The following PHACTR2 variants were observed in gnomAD, a reference collection of about 807,000 sequenced individuals.
The protein encoded by PHACTR2 is chromosome 6 open reading frame 56.
Under a neutral mutation model 76.0 loss-of-function variants are expected in PHACTR2, and 30 were observed. That is an observed-to-expected ratio of 0.39 (90% CI 0.30 to 0.54). PHACTR2 has a LOEUF of 0.54. PHACTR2 is among the 20% of genes least tolerant of loss of function. The pLI, the probability that PHACTR2 is intolerant of heterozygous loss-of-function variation, is 0.61. For synonymous variants in PHACTR2, 292 were observed against 292.5 expected (o/e 1.00, Z 0.02); for missense variants, 696 against 781.1 (o/e 0.89, Z 1.30).
At chr6:143,645,626 G>C (rs1176208281) in intron 1 of PHACTR2, among the ~76,000 whole-genome samples, 1 of 152,158 alleles carries the variant, frequency 6.6e-6, no homozygotes, top group African/African-American at 2.4e-5. Flanking sequence ...AAAAATTTAA[G>C]TGACTATATT....
At chr6:143,638,724 A>T (rs1278457100) in intron 1 of PHACTR2, among the ~76,000 whole-genome samples, 1 of 152,190 alleles carries the variant, frequency 6.6e-6, no homozygotes, top group Non-Finnish European at 1.5e-5. Context: ...AAGTTAGAAG[A>T]TGAATGTTAG....
chr6:143,712,094 A>C lies in PHACTR2; in HGVS notation c.125A>C (p.Lys42Thr). The change falls in exon 2 of 13, where the codon AAG becomes ACG. Residue 42 changes from lysine (K) to threonine (T), a missense_variant. This residue lies in a region of PHACTR2 where 460 missense variants were observed against 450.9 expected (regional missense o/e 1.02). Transcript: ENST00000440869. ...TCCCAAACACCTCCCTTCAAAAGAAAGGGGAAACTATCCACCATTGGTAAA... is the reference window on the plus strand; with the variant it reads ...TCCCAAACACCTCCCTTCAAAAGAACGGGGAAACTATCCACCATTGGTAAA... ...AGSQTPPFKR[K>T]GKLSTIGKIF... 1.3e-6 allele frequency: 2 copies of C among 1,596,944 alleles called. No individual in the cohort carries two copies. Among genetic ancestry groups the C allele is most frequent in the Non-Finnish European group, 8.5e-7 (1 of 1,174,200 alleles).
At chr6:143,705,597 G>C (rs1390630633) in intron 1 of PHACTR2, among the ~76,000 whole-genome samples, 1 of 152,096 alleles carries the variant, frequency 6.6e-6, no homozygotes, top group African/African-American at 2.4e-5. Flanking sequence ...TGCCTGGCCA[G>C]ACCTTGAAAA....
At chr6:143,682,332 C>A (rs1777410179) in intron 1 of PHACTR2, among the ~76,000 whole-genome samples, 1 of 152,216 alleles carries the variant, frequency 6.6e-6, no homozygotes, top group Non-Finnish European at 1.5e-5. Context: ...ATCCTCCAAC[C>A]TCAGCCTCCT....
chr6:143,779,008 C>T (rs1205532063), intron 9 of PHACTR2, among the ~76,000 whole-genome samples: 1 of 151,940 alleles, frequency 6.6e-6, no homozygotes, highest in Non-Finnish European at 1.5e-5. Flanking sequence ...CCCTTTTTTT[C>T]CTTCCTTCTA....
At chr6:143,669,097 A>G (rs1398077806) in intron 1 of PHACTR2, among the ~76,000 whole-genome samples, 1 of 152,128 alleles carries the variant, frequency 6.6e-6, no homozygotes, top group Non-Finnish European at 1.5e-5. Context: ...GTTTCAAATA[A>G]CTTATTTATT....
rs548170958 is a variant in PHACTR2 at position 143,738,714 on chromosome 6, C to G, written c.215-10271C>G. 1.9e-4 allele frequency among the ~76,000 whole-genome samples: 29 copies of G among 150,796 alleles called. No individual in the cohort carries two copies. The highest frequency in any genetic ancestry group is 7.1e-4 in the African/African-American group (29 of 41,036). Reference sequence around the variant, plus strand: ...GAGGCTGCAGTGAGCCAAGATCGTGCAACTGTACTCCAGCCTGGGTGATAG... The same window carrying G: ...GAGGCTGCAGTGAGCCAAGATCGTGGAACTGTACTCCAGCCTGGGTGATAG... On this transcript the variant is annotated intron_variant, in intron 2 of 12. Coordinates refer to ENST00000440869, the MANE Select transcript of PHACTR2 (RefSeq NM_001100164.2). This position sits in a 1 kb window ranked among gnomAD's most constrained non-coding sequence, Gnocchi z 4.0.
At chr6:143,740,380 C>A (rs1022188515) in intron 2 of PHACTR2, among the ~76,000 whole-genome samples, 3 of 152,084 alleles carry the variant, frequency 2.0e-5, no homozygotes, top group Non-Finnish European at 4.4e-5. Flanking sequence ...CCCTAACCAT[C>A]TGGAATGCAG....
rs373253397 is a variant in PHACTR2, at chr6:143,691,950, G to A, written c.46+13741G>A. Among the ~76,000 whole-genome samples, 12 of 152,030 alleles carry A rather than the reference G, an allele frequency of 7.9e-5. No homozygotes were observed. The East Asian group carries it at 1.7e-3, about 22-fold the overall frequency. ...GGATAATGTTTGGCTTTTTATTTTC[G>A]CCTCTGTTTGTACTTCAGGCATCCT... On this transcript the variant is annotated intron_variant, in intron 1 of 12. Coordinates refer to ENST00000440869, the MANE Select transcript of PHACTR2 (RefSeq NM_001100164.2).
chr6:143,778,179 A>G (rs1028471469), intron 9 of PHACTR2, among the ~76,000 whole-genome samples: 3 of 152,236 alleles, frequency 2.0e-5, no homozygotes, highest in Non-Finnish European at 4.4e-5. Flanking sequence ...TGTATGAAAT[A>G]TCAAAGAACA....
chr6:143,705,977 A>G (rs781295512), intron 1 of PHACTR2, among the ~76,000 whole-genome samples: 4 of 152,208 alleles, frequency 2.6e-5, no homozygotes, highest in Admixed American at 6.5e-5. Flanking sequence ...CTTCTCCCAC[A>G]TTCATTTATT....
At position 143,548,843 on chromosome 6, in the gene PHACTR2, A is replaced by T. The variant is rs540831996; in HGVS notation, c.217+11636A>T. Among the ~76,000 whole-genome samples the T allele has an allele frequency of 2.0e-5, 3 of 152,118 alleles. No homozygotes were observed. The highest frequency in any genetic ancestry group is 6.5e-5 in the Admixed American group (1 of 15,270). ...ATGTGAAATAAGGAAGCATTTTTTT[A>T]ACATAACAAAGTGGATGTTTCATTG... is the stretch of plus-strand genomic sequence containing the variant. On this transcript the variant is annotated intron_variant, in intron 1 of 11. Coordinates refer to the PHACTR2 transcript ENST00000367584. This position sits in a 1 kb window ranked among gnomAD's most constrained non-coding sequence, Gnocchi z 4.5.
intron 9 of PHACTR2, among the ~76,000 whole-genome samples, chr6:143,778,986 A>C (rs180837298): frequency 1.2e-3 from 182 of 152,106 alleles, no homozygotes; most frequent in African/African-American, 4.2e-3. Context: ...GACACTTCAG[A>C]TTTGACTCCA....
chr6:143,615,330 G>A lies in PHACTR2; in HGVS notation c.13+7008G>A, dbSNP rs151293636. ...TGTGTTTTCCATAGCATTGAGCACC[G>A]TGCTTGGGCTGTAGTAAGTGTATAG... is the stretch of plus-strand genomic sequence containing the variant. On this transcript the variant is annotated intron_variant, in intron 1 of 11. Transcript: ENST00000305766. 3.5e-3 allele frequency among the ~76,000 whole-genome samples: 539 copies of A among 152,222 alleles called. 5 individuals are homozygous for A. Among genetic ancestry groups the A allele is most frequent in the African/African-American group, 0.012 (498 of 41,534 alleles).
At chr6:143,735,324 G>T (rs947506785) in intron 2 of PHACTR2, among the ~76,000 whole-genome samples, 5 of 152,114 alleles carry the variant, frequency 3.3e-5, no homozygotes, top group Admixed American at 2.6e-4. Context: ...CTAGATATTA[G>T]AAAATTATTA....
chr6:143,713,484 TA>T (rs1173372811), intron 2 of PHACTR2, among the ~76,000 whole-genome samples: 1 of 152,136 alleles, frequency 6.6e-6, no homozygotes, highest in Non-Finnish European at 1.5e-5. Flanking sequence ...AAACTTGGCT[TA>T]AGGGAAAATA....
chr6:143,704,079 GTGTGTGTGTGTGTGTC>G (rs879313024), intron 1 of PHACTR2, among the ~76,000 whole-genome samples: 2 of 146,212 alleles, frequency 1.4e-5, no homozygotes, highest in South Asian at 4.3e-4. Context: ...CATCATGGGT[GTGTGTGTGTGTGTGTC>G]TGTGTGTGTG....
rs566232877 is a variant in PHACTR2, at chr6:143,647,729, C to A, written c.13+39407C>A. Among the ~76,000 whole-genome samples, 2 of 152,228 alleles carry A rather than the reference C, an allele frequency of 1.3e-5. No homozygotes were observed. The highest frequency in any genetic ancestry group is 2.9e-5 in the Non-Finnish European group (2 of 68,018). On this transcript the variant is annotated intron_variant, in intron 1 of 11. Transcript: ENST00000305766. This position sits in a 1 kb window ranked among gnomAD's most constrained non-coding sequence, Gnocchi z 4.2. Reference sequence around the variant, plus strand: ...CCTTGCAGATATCTTGGGAGAAGAGCACCTGTACAGAAAGAACAGCAAGTG... The same window carrying A: ...CCTTGCAGATATCTTGGGAGAAGAGAACCTGTACAGAAAGAACAGCAAGTG...
chr6:143,559,696 T>A (rs1005552399), intron 1 of PHACTR2, among the ~76,000 whole-genome samples: 2 of 46,248 alleles, frequency 4.3e-5, no homozygotes, highest in Non-Finnish European at 9.9e-5. Flanking sequence ...TTTTCTTTTT[T>A]TTTTTTTTTT....
Sources: gnomAD v4.1 joint callset for allele counts (sites outside exome capture counted in the v4.1 genomes callset) on GRCh38, gnomAD v4.1.1 for gene constraint, gnomAD v4.1.1 regional missense constraint, Gnocchi (gnomAD v3.1) non-coding constraint, MANE v1.5 for transcripts, NCBI Gene and HGNC (gene_info 2026-07-23, HGNC 2026-07-21) for gene names.